The following KIF5C variants were observed in gnomAD, a reference collection of about 807,000 sequenced individuals.
KIF5C encodes kinesin heavy chain isoform 5C.
A neutral mutation model predicts 125.2 loss-of-function variants in KIF5C; 18 were observed. The ratio of observed to expected loss-of-function variants is 0.14; its 90% CI spans 0.10 to 0.21. KIF5C has a LOEUF of 0.21. Among genes scored for constraint, KIF5C ranks in the 10% least tolerant of loss-of-function variants. KIF5C has a pLI of 1.00. For missense variants in KIF5C, 780 were observed against 1,183.8 expected, an observed-to-expected ratio of 0.66 and a Z score of 5.01; for synonymous variants, 405 against 434.0, an observed-to-expected ratio of 0.93 and a Z score of 0.83.
chr2:149,013,092 T>C (rs1682260347), intron 25 of KIF5C, among the ~76,000 whole-genome samples: 1 of 152,356 alleles, frequency 6.6e-6, no homozygotes, highest in Non-Finnish European at 1.5e-5. Flanking sequence ...TCCAGGTGAT[T>C]CTGATATTCA....
chr2:148,985,590 C>G (rs1265640182), intron 15 of KIF5C, among the ~76,000 whole-genome samples: 1 of 152,140 alleles, frequency 6.6e-6, no homozygotes, highest in Non-Finnish European at 1.5e-5. Context: ...TTTTGTTGAG[C>G]TGGGGAATGG....
In KIF5C at chr2:148,916,869, C is replaced by T. The variant is rs558744274; in HGVS notation, c.127-5268C>T. Among the ~76,000 whole-genome samples the T allele has an allele frequency of 4.6e-5, 7 of 152,206 alleles. No homozygotes were observed. In the South Asian group the frequency reaches 1.2e-3, roughly 27 times the overall value. ...GATAGGGAGGCAGGAGGTCTGGATGCGAGGCACACATCTGCTGCCTACCTA... is the reference window on the plus strand; with the variant it reads ...GATAGGGAGGCAGGAGGTCTGGATGTGAGGCACACATCTGCTGCCTACCTA... On this transcript the variant is annotated intron_variant, in intron 1 of 25. Transcript: ENST00000435030.
rs771542898 is a variant in KIF5C, at chr2:149,000,468, T to C, written c.2256T>C (p.Asp752=). The C allele has an allele frequency of 1.3e-6, 2 of 1,585,144 alleles. No individual in the cohort carries two copies. Among genetic ancestry groups the C allele is most frequent in the Non-Finnish European group, 1.7e-6 (2 of 1,159,910 alleles). The change falls in exon 20 of 26, where the codon GAT becomes GAC. Residue 752 remains aspartate, a synonymous_variant. Transcript: ENST00000435030. ...TGGAACAGGAGAAGCTTAGTTCTGA[T>C]TATAACAAGCTGAAAATAGAGGACC... ...LQLEQEKLSS[D]YNKLKIEDQE...
chr2:148,888,926 A>G (rs750762706), intron 1 of KIF5C: 1 of 151,978 alleles, frequency 6.6e-6, no homozygotes, highest in Non-Finnish European at 1.5e-5. Context: ...TTAAATGTCC[A>G]TTGGGCTGAT....
intron 20 of KIF5C, 65 bp downstream of exon 20, chr2:149,000,589 C>A: frequency 6.4e-7 from 1 of 1,558,934 alleles, no homozygotes; most frequent in Non-Finnish European, 8.7e-7. Flanking sequence ...TTAGATTGGG[C>A]TAATTTAAAA....
At position 148,947,108 on chromosome 2, in the gene KIF5C, A is replaced by G. The variant is rs1682536580; in HGVS notation, c.714+85A>G. On this transcript the variant is annotated intron_variant, in intron 8 of 25. Transcript: ENST00000435030. ...AATGGTATAATTTTTATGCTTTTCTATTTTCCTGCTTTAAAGAGCTTTTAA... is the reference window on the plus strand; with the variant it reads ...AATGGTATAATTTTTATGCTTTTCTGTTTTCCTGCTTTAAAGAGCTTTTAA... 2.0e-6 allele frequency: 3 copies of G among 1,481,072 alleles called. No individual in the cohort carries two copies. The East Asian group carries it at 7.3e-5, about 36-fold the overall frequency. 91.7% of individuals were successfully genotyped at this position (1,481,072 alleles called of 1,614,324 possible).
chr2:148,892,988 A>G (rs1395599102), intron 1 of KIF5C, among the ~76,000 whole-genome samples: 1 of 151,672 alleles, frequency 6.6e-6, no homozygotes, highest in Non-Finnish European at 1.5e-5. Context: ...ATCTTATTGC[A>G]TTGGATTGGA....
At chr2:148,909,480 CT>C (rs1394366963) in intron 1 of KIF5C, among the ~76,000 whole-genome samples, 1 of 152,224 alleles carries the variant, frequency 6.6e-6, no homozygotes, top group Non-Finnish European at 1.5e-5. Context: ...GACAAGGAAA[CT>C]TGTGGCTCAT....
chr2:148,923,335 G>A (rs74344444), intron 2 of KIF5C, among the ~76,000 whole-genome samples: 3,019 of 152,242 alleles, frequency 0.02, 89 homozygotes, highest in African/African-American at 0.062. Flanking sequence ...CCTTGCTGAG[G>A]TGGATGGTTA....
chr2:148,965,458 T>A (rs1347454433), intron 11 of KIF5C, among the ~76,000 whole-genome samples: 1 of 152,072 alleles, frequency 6.6e-6, no homozygotes, highest in Non-Finnish European at 1.5e-5. Flanking sequence ...TTAAAGGTGA[T>A]TTTTCTAGGG....
At chr2:148,908,301 A>G (rs751975044) in intron 1 of KIF5C, among the ~76,000 whole-genome samples, 23 of 152,220 alleles carry the variant, frequency 1.5e-4, no homozygotes, top group Non-Finnish European at 2.9e-4. Context: ...TTCACCTGCC[A>G]GGCTGAGGGT....
In KIF5C at chr2:148,968,859, C is replaced by T. The variant is rs191013022; in HGVS notation, c.1118-4477C>T. Reference sequence around the variant, plus strand: ...CAACTTAAAGATTTCCTTTTAGTTTCTTTGATACAGAAATTACCTACCATT... The same window carrying T: ...CAACTTAAAGATTTCCTTTTAGTTTTTTTGATACAGAAATTACCTACCATT... On this transcript the variant is annotated intron_variant, in intron 11 of 25. Transcript: ENST00000435030. 5.7e-3 allele frequency among the ~76,000 whole-genome samples: 865 copies of T among 151,902 alleles called. 6 individuals carry two copies. The highest frequency in any genetic ancestry group is 9.2e-3 in the Non-Finnish European group (624 of 67,938).
chr2:149,011,778 G>A, intron 25 of KIF5C, 95 bp downstream of exon 25: 8 of 1,520,702 alleles, frequency 5.3e-6, no homozygotes, highest in South Asian at 1.2e-5. Flanking sequence ...GAGTAGAGAG[G>A]AGTTCTGCTC....
chr2:148,983,563 G>C (rs1391247329), intron 14 of KIF5C, 57 bp from the exon 15 acceptor site: 31 of 1,478,516 alleles, frequency 2.1e-5, no homozygotes, highest in African/African-American at 2.8e-5. Context: ...TTGTAATGTG[G>C]AGTGTATGAA....
At chr2:149,005,308 A>G in intron 21 of KIF5C, 85 bp from the exon 22 acceptor site, 3 of 1,556,356 alleles carry the variant, frequency 1.9e-6, no homozygotes, top group Non-Finnish European at 8.7e-7. Flanking sequence ...AGGCTTGGGA[A>G]GTGTCGGGGG....
At chr2:149,021,586 A>G (rs1475945702) in intron 25 of KIF5C, among the ~76,000 whole-genome samples, 1 of 152,164 alleles carries the variant, frequency 6.6e-6, no homozygotes, top group Non-Finnish European at 1.5e-5. Context: ...ATAAATCAGA[A>G]GAGTGAAGAA....
At position 148,962,086 on chromosome 2, in the gene KIF5C, C is replaced by T. The variant is rs766524007; in HGVS notation, c.1084C>T (p.His362Tyr). ...KNKTLKNVIQHLEMELNRWRN... is the reference protein window; with the variant it reads ...KNKTLKNVIQYLEMELNRWRN... ...CAAGACTTTGAAGAATGTTATCCAG[C>T]ATCTGGAGATGGAGCTAAACAGGTG... Residue 362 changes from histidine (H) to tyrosine (Y), a missense_variant, in exon 11 of 26, where the codon CAT becomes TAT. Coordinates refer to ENST00000435030, the MANE Select transcript of KIF5C (RefSeq NM_004522.3). The T allele has an allele frequency of 6.2e-7, 1 of 1,611,996 alleles. No homozygotes were observed. Among genetic ancestry groups the T allele is most frequent in the Admixed American group, 1.7e-5 (1 of 59,652 alleles).
intron 12 of KIF5C, among the ~76,000 whole-genome samples, 185 bp from the exon 13 acceptor site, chr2:148,978,737 G>A (rs1047030756): frequency 2.0e-5 from 3 of 152,214 alleles, no homozygotes; most frequent in Admixed American, 2.0e-4. Flanking sequence ...CATCTGCTGA[G>A]AAAGGTGGGT....
Position 148,991,074 on chromosome 2 carries a change from T to C in KIF5C, c.1781T>C (p.Met594Thr), listed in dbSNP as rs202156950. 1.1e-3 allele frequency: 1,820 copies of C among 1,613,638 alleles called. 2 individuals are homozygous for C. The highest frequency in any genetic ancestry group is 1.5e-3 in the Non-Finnish European group (1,739 of 1,179,828). Residue 594 changes from methionine to threonine, a missense_variant, in exon 16 of 26, where the codon ATG becomes ACG. By Grantham distance (81) the Met-to-Thr change is moderately conservative. This residue lies in a region of KIF5C where 573 missense variants were observed against 742.6 expected (regional missense o/e 0.77). Transcript: ENST00000435030. ...ATGGCCCGCCTGTACATCAGCAAGA[T>C]GAAGTCAGAGGTCAAGTCCCTGGTG... is the stretch of plus-strand genomic sequence containing the variant. ...FTMARLYISK[M>T]KSEVKSLVNR...
Sources: gnomAD v4.1 joint callset for allele counts (sites outside exome capture counted in the v4.1 genomes callset) on GRCh38, gnomAD v4.1.1 for gene constraint, gnomAD v4.1.1 regional missense constraint, MANE v1.5 for transcripts, NCBI Gene and HGNC (gene_info 2026-07-23, HGNC 2026-07-21) for gene names.